The following ABCA1 variants were observed in gnomAD, a reference collection of about 807,000 sequenced individuals.
ABCA1 encodes phospholipid-transporting ATPase ABCA1.
ABCA1 carries 133 observed loss-of-function variants against 262.5 expected under a neutral mutation model. That is an observed-to-expected ratio of 0.51 (90% CI 0.44 to 0.59). ABCA1 has a LOEUF of 0.59. ABCA1 is among the 20% of genes least tolerant of loss of function. The pLI is 0.00. For missense variants in ABCA1, 2,452 were observed against 2,777.5 expected (o/e 0.88, Z 2.63); for synonymous variants, 1,022 against 1,043.5 (o/e 0.98, Z 0.40).
At chr9:104,801,877 T>C (rs1486279984) in intron 34 of ABCA1, among the ~76,000 whole-genome samples, 177 bp downstream of exon 34, 1 of 152,214 alleles carries the variant, frequency 6.6e-6, no homozygotes, top group African/African-American at 2.4e-5. Context: ...CTTTTAAACG[T>C]ACAACTAAGT....
chr9:104,908,962 T>C (rs1282873650), intron 1 of ABCA1, among the ~76,000 whole-genome samples: 1 of 152,138 alleles, frequency 6.6e-6, no homozygotes, highest in Non-Finnish European at 1.5e-5. Context: ...CATCATACTT[T>C]TGTAAAGGGG....
At chr9:104,801,527 G>A (rs1830337188) in intron 34 of ABCA1, among the ~76,000 whole-genome samples, 2 of 150,096 alleles carry the variant, frequency 1.3e-5, no homozygotes. Flanking sequence ...GCCTCTGAGA[G>A]CTTTTAAATC....
Position 104,798,594 on chromosome 9 carries a change from T to C in ABCA1, c.4948A>G (p.Thr1650Ala). The change falls in exon 37 of 50, where the codon ACC becomes GCC. Residue 1650 changes from threonine to alanine, a missense_variant. Thr to Ala is a moderately conservative substitution (Grantham distance 58). This residue lies in a region of ABCA1 where 752 missense variants were observed against 944.5 expected (regional missense o/e 0.80). Transcript: ENST00000374736. ...KQQLSEVALM[T>A]TSVDVLVSIC... ...GACACAAGGACATCCACTGATGTGGTCATCCTGGAGAGAAAAAGCGTGTGA... is the reference window on the plus strand; with the variant it reads ...GACACAAGGACATCCACTGATGTGGCCATCCTGGAGAGAAAAAGCGTGTGA... The C allele has an allele frequency of 6.2e-7, 1 of 1,614,016 alleles. No individual in the cohort carries two copies. The highest frequency in any genetic ancestry group is 1.3e-5 in the African/African-American group (1 of 75,036).
At position 104,793,180 on chromosome 9, in the gene ABCA1, A is replaced by T; in HGVS notation, c.5627T>A (p.Ile1876Asn). The T allele has an allele frequency of 6.2e-7, 1 of 1,614,096 alleles. No homozygotes were observed. Among genetic ancestry groups the T allele is most frequent in the Non-Finnish European group, 8.5e-7 (1 of 1,179,990 alleles). The change falls in exon 41 of 50, where the codon ATC becomes AAC. Residue 1876 changes from isoleucine to asparagine, a missense_variant. Coordinates refer to ENST00000374736, the MANE Select transcript of ABCA1 (RefSeq NM_005502.4). ...CTAAGAAAAAGCTCACCTGGGCCTG[A>T]TGAAGAATCTGTACTGGATCAGAAC... is the stretch of plus-strand genomic sequence containing the variant. ...ITVLIQYRFF[I>N]RPRPVNAKLS...
intron 17 of ABCA1, among the ~76,000 whole-genome samples, chr9:104,824,820 A>C (rs941942126): frequency 2.6e-5 from 4 of 152,208 alleles, no homozygotes; most frequent in Non-Finnish European, 5.9e-5. Context: ...AGATGAGGAA[A>C]CTGAGGGATA....
intron 48 of ABCA1, 90 bp from the exon 49 acceptor site, chr9:104,785,729 A>G: frequency 1.3e-6 from 2 of 1,545,174 alleles, no homozygotes; most frequent in South Asian, 2.3e-5. Context: ...TGTGCCATGA[A>G]AAAGGGCGGC....
intron 31 of ABCA1, among the ~76,000 whole-genome samples, chr9:104,805,135 C>T (rs57533788): frequency 0.028 from 4,322 of 152,140 alleles, 206 homozygotes; most frequent in African/African-American, 0.096. Context: ...AGTACAGTGG[C>T]GCAATTTTGG....
chr9:104,839,996 AC>A (rs1432445712), intron 9 of ABCA1, among the ~76,000 whole-genome samples: 2 of 152,194 alleles, frequency 1.3e-5, no homozygotes, highest in African/African-American at 4.8e-5. Flanking sequence ...CCTGGAAGCC[AC>A]CCTTCCACAT....
chr9:104,891,423 C>T (rs1249361771), intron 2 of ABCA1, among the ~76,000 whole-genome samples: 1 of 149,990 alleles, frequency 6.7e-6, no homozygotes, highest in Middle Eastern at 3.3e-3. Flanking sequence ...TAGTGAAACG[C>T]TGTGTCTACT....
intron 5 of ABCA1, among the ~76,000 whole-genome samples, chr9:104,862,698 C>CAGGGCAGGGCAGGGCAGGGCAGGGCAGGG (rs1564199815): frequency 1.0e-4 from 1 of 9,986 alleles, no homozygotes; most frequent in African/African-American, 3.1e-4. Flanking sequence ...CCGGGCCGGG[C>CAGGGCAGGGCAGGGCAGGGCAGGGCAGGG]CGGCCCCCAC....
At chr9:104,922,963 T>C (rs532747779) in intron 1 of ABCA1, among the ~76,000 whole-genome samples, 1 of 152,314 alleles carries the variant, frequency 6.6e-6, no homozygotes, top group South Asian at 2.1e-4. Flanking sequence ...GTGATCCTCC[T>C]GCTTTGGCCT....
In ABCA1 at chr9:104,817,264, C is replaced by T; in HGVS notation, c.3535+68G>A. 1.2e-6 allele frequency: 2 copies of T among 1,613,182 alleles called. No individual in the cohort carries two copies. Among genetic ancestry groups the T allele is most frequent in the African/African-American group, 1.3e-5 (1 of 75,026 alleles). Reference sequence around the variant, plus strand: ...CACCAGCCTCTGCACCTCTCCTCCTCTGCCTCCACTCTGCCCAGCTGGGGG... The same window carrying T: ...CACCAGCCTCTGCACCTCTCCTCCTTTGCCTCCACTCTGCCCAGCTGGGGG... On this transcript the variant is annotated intron_variant, in intron 24 of 49. Coordinates refer to ENST00000374736, the MANE Select transcript of ABCA1 (RefSeq NM_005502.4). The surrounding 1 kb of genome is among the most constrained non-coding windows in gnomAD (Gnocchi z 4.7).
rs765291816 is a variant in ABCA1 at position 104,889,154 on chromosome 9, G to A, written c.108C>T (p.Phe36=). 4 of 1,614,172 alleles carry A rather than the reference G, an allele frequency of 2.5e-6. No individual in the cohort carries two copies. In the East Asian group the frequency reaches 8.9e-5, roughly 36 times the overall value. ...LLEVAWPLFI[F]LILISVRLSY... is the part of the protein sequence containing the mutation. Reference sequence around the variant, plus strand: ...TCAGCCGAACAGAGATCAGGATCAGGAAGATAAATAGAGGCCAGGCCACTT... The same window carrying A: ...TCAGCCGAACAGAGATCAGGATCAGAAAGATAAATAGAGGCCAGGCCACTT... The change falls in exon 3 of 50, where the codon TTC becomes TTT. Residue 36 remains phenylalanine, a synonymous_variant. Coordinates refer to ENST00000374736, the MANE Select transcript of ABCA1 (RefSeq NM_005502.4).
intron 5 of ABCA1, among the ~76,000 whole-genome samples, chr9:104,865,353 T>A (rs1836992822): frequency 6.6e-6 from 1 of 151,976 alleles, no homozygotes. Flanking sequence ...CAGTCTCTAC[T>A]AAACATATCA....
intron 12 of ABCA1, 107 bp from the exon 13 acceptor site, chr9:104,831,934 C>G: frequency 1.9e-6 from 2 of 1,040,054 alleles, no homozygotes; most frequent in Non-Finnish European, 3.0e-6. Flanking sequence ...GATTGCTCAT[C>G]CTCTCTCTCT....
intron 7 of ABCA1, among the ~76,000 whole-genome samples, chr9:104,854,783 C>T (rs1835691717): frequency 6.6e-6 from 1 of 152,212 alleles, no homozygotes. Context: ...CACTCCATAA[C>T]AAGTCTCCCT....
intron 1 of ABCA1, among the ~76,000 whole-genome samples, chr9:104,927,048 C>T (rs1482087621): frequency 6.6e-6 from 1 of 151,950 alleles, no homozygotes; most frequent in African/African-American, 2.4e-5. Context: ...CCCGTCTCTA[C>T]TAAAAATACA....
In ABCA1 at chr9:104,831,343, G is replaced by A. The variant is rs139365336; in HGVS notation, c.1716-242C>T. Among the ~76,000 whole-genome samples, 857 of 151,384 alleles carry A rather than the reference G, an allele frequency of 5.7e-3. 8 individuals are homozygous for A. Among genetic ancestry groups the A allele is most frequent in the African/African-American group, 0.019 (793 of 41,268 alleles). On this transcript the variant is annotated intron_variant, in intron 13 of 49. Transcript: ENST00000374736. The stretch of plus-strand genomic sequence containing the variant: ...AGCAATTCTCCTGCCTCAGCCTCCC[G>A]AGTAGCTGGGATTACAGGTGCCTGC...
At chr9:104,805,826 T>C (rs1456114978) in intron 31 of ABCA1, among the ~76,000 whole-genome samples, 1 of 152,088 alleles carries the variant, frequency 6.6e-6, no homozygotes, top group African/African-American at 2.4e-5. Flanking sequence ...GAAACAGGGC[T>C]GGGCGTAGTG....
Sources: allele counts gnomAD v4.1 joint callset (sites outside exome capture counted in the v4.1 genomes callset), GRCh38; gene constraint gnomAD v4.1.1; regional missense constraint gnomAD v4.1.1; non-coding constraint Gnocchi (gnomAD v3.1); transcripts MANE v1.5; gene names NCBI Gene and HGNC (gene_info 2026-07-23, HGNC 2026-07-21).